The following EFCAB13 variants were observed in gnomAD, a reference collection of about 807,000 sequenced individuals.
EFCAB13 encodes the protein EF-hand calcium-binding domain-containing protein 13.
EFCAB13 carries 91 observed loss-of-function variants against 110.2 expected under a neutral mutation model. The observed-to-expected ratio is 0.83, with a 90% CI of 0.70 to 0.98. The LOEUF is 0.98. EFCAB13 is among the 50% of genes least tolerant of loss of function. The pLI is 0.00. For synonymous variants in EFCAB13, 323 were observed against 369.9 expected (o/e 0.87, Z 1.45); for missense variants, 968 against 1,119.4 (o/e 0.86, Z 1.93).
intron 10 of EFCAB13, among the ~76,000 whole-genome samples, chr17:47,361,892 T>G (rs1409634176): frequency 1.3e-5 from 2 of 152,202 alleles, no homozygotes; most frequent in Non-Finnish European, 2.9e-5. Context: ...AATTTTATTA[T>G]GTAGCTTTGA....
intron 8 of EFCAB13, among the ~76,000 whole-genome samples, chr17:47,346,644 T>A (rs1245008705): frequency 2.0e-5 from 3 of 152,126 alleles, no homozygotes; most frequent in African/African-American, 7.2e-5. Flanking sequence ...GTAAGGGCTG[T>A]TGGGAAGCTT....
At position 47,412,809 on chromosome 17, in the gene EFCAB13, A is replaced by G. The variant is rs2065842812; in HGVS notation, c.2315A>G (p.Asp772Gly). ...KEAANILSHV[D>G]NGKIGIPDLE... The stretch of plus-strand genomic sequence containing the variant: ...GCTGCTAACATCTTGTCACATGTCG[A>G]TAATGGCAAGATTGGTATACCTGAT... The change falls in exon 22 of 25, where the codon GAT (aspartate) becomes GGT (glycine). Residue 772 changes from aspartate (D) to glycine (G), a missense_variant. Coordinates refer to ENST00000331493, the MANE Select transcript of EFCAB13 (RefSeq NM_152347.5). The G allele has an allele frequency of 6.2e-7, 1 of 1,613,730 alleles. No homozygotes were observed. Among genetic ancestry groups the G allele is most frequent in the Non-Finnish European group, 8.5e-7 (1 of 1,179,790 alleles).
intron 21 of EFCAB13, among the ~76,000 whole-genome samples, chr17:47,412,258 T>TGCAGTTCA (rs1190580539): frequency 6.6e-6 from 1 of 152,260 alleles, no homozygotes; most frequent in Admixed American, 6.5e-5. Flanking sequence ...GAGGCTGAAA[T>TGCAGTTCA]GCAGTTCATA....
chr17:47,433,204 A>G (rs896689526), intron 24 of EFCAB13, among the ~76,000 whole-genome samples: 1 of 152,138 alleles, frequency 6.6e-6, no homozygotes, highest in African/African-American at 2.4e-5. Flanking sequence ...GGTTTATCTC[A>G]TGATTAGCCT....
At chr17:47,384,456 G>C (rs1345722759) in intron 14 of EFCAB13, among the ~76,000 whole-genome samples, 2 of 150,828 alleles carry the variant, frequency 1.3e-5, no homozygotes, top group Non-Finnish European at 3.0e-5. Context: ...CTGGTATTAA[G>C]AAAGTTTTTC....
intron 24 of EFCAB13, among the ~76,000 whole-genome samples, chr17:47,438,601 T>C (rs1598771672): frequency 6.6e-6 from 1 of 152,138 alleles, no homozygotes; most frequent in Middle Eastern, 3.4e-3. Flanking sequence ...ACTGAGACTT[T>C]CCGGAGCATT....
chr17:47,397,273 C>G (rs1371222172), intron 17 of EFCAB13, among the ~76,000 whole-genome samples: 2 of 152,156 alleles, frequency 1.3e-5, no homozygotes, highest in African/African-American at 2.4e-5. Context: ...CTCGGCCTCC[C>G]GGGGTGCCGG....
chr17:47,394,667 C>CT (rs1305576072), intron 16 of EFCAB13, among the ~76,000 whole-genome samples: 1 of 152,116 alleles, frequency 6.6e-6, no homozygotes, highest in Non-Finnish European at 1.5e-5. Flanking sequence ...AAAATTGGGG[C>CT]TGAAAGTAAC....
At chr17:47,383,387 G>A (rs1173660562) in intron 14 of EFCAB13, among the ~76,000 whole-genome samples, 1 of 152,154 alleles carries the variant, frequency 6.6e-6, no homozygotes, top group Non-Finnish European at 1.5e-5. Context: ...GTCGATTTTA[G>A]ATCTTTCCTG....
rs751043940 is a variant in EFCAB13, at chr17:47,347,793, G to A, written c.518-15G>A. On this transcript the variant is annotated splice_polypyrimidine_tract_variant and intron_variant, in intron 8 of 24. Coordinates refer to ENST00000331493, the MANE Select transcript of EFCAB13 (RefSeq NM_152347.5). ...TTTTGATTAACTAACTAAATGTTTT[G>A]TTATGTGTGTGCAGCACTTCATAAA... The A allele has an allele frequency of 7.1e-7, 1 of 1,405,352 alleles. No individual in the cohort carries two copies. Among genetic ancestry groups the A allele is most frequent in the Non-Finnish European group, 9.4e-7 (1 of 1,063,302 alleles). The allele number at this position is 1,405,352 out of a possible 1,614,324, so 87.1% of individuals were successfully genotyped here.
chr17:47,345,000 G>A lies in EFCAB13; in HGVS notation c.435-16G>A. 6.3e-7 allele frequency: 1 copy of A among 1,588,156 alleles called. No homozygotes were observed. The highest frequency in any genetic ancestry group is 1.1e-5 in the South Asian group (1 of 87,508). On this transcript the variant is annotated splice_polypyrimidine_tract_variant and intron_variant, in intron 7 of 24. Transcript: ENST00000331493. ...ATTTTCATTGCCACTTTCTAATATG[G>A]CTGTTTCTTTGACAGGGAAAAGGAA... is the stretch of plus-strand genomic sequence containing the variant.
At position 47,431,311 on chromosome 17, in the gene EFCAB13, CT is replaced by C. The variant is rs1009388398; in HGVS notation, c.2638+1356del. ...TGTTTTTTTTTAACTCTTTTTTTTC[CT>C]TTTTTCAGTCAGCTTCCCTAGGGTG... is the stretch of plus-strand genomic sequence containing the variant. On this transcript the variant is annotated intron_variant, in intron 24 of 24. Coordinates refer to ENST00000331493, the MANE Select transcript of EFCAB13 (RefSeq NM_152347.5). This position sits in a 1 kb window ranked among gnomAD's most constrained non-coding sequence, Gnocchi z 4.1. Among the ~76,000 whole-genome samples the C allele has an allele frequency of 1.3e-5, 2 of 149,810 alleles. No homozygotes were observed. Among genetic ancestry groups the C allele is most frequent in the African/African-American group, 2.5e-5 (1 of 40,642 alleles).
At chr17:47,350,548 A>G (rs1428848810) in intron 9 of EFCAB13, among the ~76,000 whole-genome samples, 1 of 151,806 alleles carries the variant, frequency 6.6e-6, no homozygotes, top group East Asian at 1.9e-4. Context: ...ATAAATCTCC[A>G]TACATGCCAA....
intron 6 of EFCAB13, among the ~76,000 whole-genome samples, chr17:47,342,397 G>A (rs2143259684): frequency 6.6e-6 from 1 of 152,128 alleles, no homozygotes; most frequent in Non-Finnish European, 1.5e-5. Flanking sequence ...TCTTCACATG[G>A]CCTCTTTTCC....
chr17:47,340,974 C>T (rs1326938169), intron 5 of EFCAB13, among the ~76,000 whole-genome samples: 1 of 151,684 alleles, frequency 6.6e-6, no homozygotes, highest in Non-Finnish European at 1.5e-5. Flanking sequence ...CCACAAATAG[C>T]CAATTGGACA....
At chr17:47,333,804 T>C (rs2065333927) in intron 4 of EFCAB13, among the ~76,000 whole-genome samples, 2 of 152,198 alleles carry the variant, frequency 1.3e-5, no homozygotes, top group Non-Finnish European at 2.9e-5. Flanking sequence ...TCCTATTGAT[T>C]GGTTATGCCA....
intron 4 of EFCAB13, chr17:47,330,041 A>G (rs1024109369): frequency 1.3e-5 from 2 of 152,238 alleles, no homozygotes; most frequent in East Asian, 3.9e-4. Context: ...TGTAATCTTC[A>G]TGGTCACCTT....
At chr17:47,389,009 C>A (rs2065691453) in intron 14 of EFCAB13, among the ~76,000 whole-genome samples, 1 of 151,914 alleles carries the variant, frequency 6.6e-6, no homozygotes, top group Non-Finnish European at 1.5e-5. Context: ...TGATGTCAAG[C>A]ATATTTTCAC....
At chr17:47,406,599 C>A (rs1490640041) in intron 20 of EFCAB13, among the ~76,000 whole-genome samples, 1 of 152,104 alleles carries the variant, frequency 6.6e-6, no homozygotes, top group African/African-American at 2.4e-5. Context: ...TGCAGGGATA[C>A]GCTAGGTAAG....
Sources: allele counts gnomAD v4.1 joint callset (sites outside exome capture counted in the v4.1 genomes callset), GRCh38; gene constraint gnomAD v4.1.1; non-coding constraint Gnocchi (gnomAD v3.1); transcripts MANE v1.5; gene names NCBI Gene and HGNC (gene_info 2026-07-23, HGNC 2026-07-21).